Variants in TIMM9 observed in about 807,000 individuals in gnomAD.
The protein encoded by TIMM9 is translocase of inner mitochondrial membrane 9.
Under a neutral mutation model 13.4 loss-of-function variants are expected in TIMM9, and 10 were observed. The observed-to-expected ratio is 0.75, with a 90% CI of 0.46 to 1.26. The LOEUF (loss-of-function observed/expected upper bound fraction) is 1.26. Among genes scored for constraint, TIMM9 ranks in the 50% most tolerant of loss-of-function variants. The pLI is 0.00. For missense variants in TIMM9, 87 were observed against 100.8 expected, an observed-to-expected ratio of 0.86 and a Z score of 0.58; for synonymous variants, 32 against 32.1, an observed-to-expected ratio of 1.00 and a Z score of 0.01.
chr14:58,418,954 GAAATTTATATA>G (rs1223597140), intron 3 of TIMM9, among the ~76,000 whole-genome samples: 1 of 151,944 alleles, frequency 6.6e-6, no homozygotes, highest in Non-Finnish European at 1.5e-5. Context: ...AATTTATATG[GAAATTTATATA>G]AAATTTATAT....
rs748474466 is a variant in TIMM9, at chr14:58,408,988, C to T, written c.*46G>A. The T allele has an allele frequency of 7.6e-6, 12 of 1,587,576 alleles. No individual in the cohort carries two copies. The East Asian group carries it at 2.7e-4, about 36-fold the overall frequency. ...AGATGAGTCCTCATTTCCAATAAAG[C>T]AGCTGTTGGCAATCTTTCATCAAAA... On this transcript the variant is annotated 3_prime_UTR_variant, in exon 6 of 6. Coordinates refer to ENST00000395159, the MANE Select transcript of TIMM9 (RefSeq NM_012460.4).
intron 3 of TIMM9, among the ~76,000 whole-genome samples, chr14:58,416,994 G>A (rs2036430669): frequency 6.6e-6 from 1 of 152,058 alleles, no homozygotes; most frequent in Admixed American, 6.6e-5. Context: ...CCTGGTGGGA[G>A]GTAATTGAAT....
At chr14:58,410,379 T>C (rs778446317) in intron 5 of TIMM9, among the ~76,000 whole-genome samples, 2 of 151,512 alleles carry the variant, frequency 1.3e-5, no homozygotes, top group South Asian at 2.1e-4. Flanking sequence ...GATTATGCCA[T>C]TGCACTCCAG....
At chr14:58,421,059 T>C (rs756182462) in intron 3 of TIMM9, among the ~76,000 whole-genome samples, 4 of 152,136 alleles carry the variant, frequency 2.6e-5, no homozygotes, top group Non-Finnish European at 2.9e-5. Context: ...GGAAATCCTA[T>C]ATGTGAATGT....
rs979035102 is a variant in TIMM9, at chr14:58,408,981, A to C, written c.*53T>G. ...TTCTATCAGATGAGTCCTCATTTCCAATAAAGCAGCTGTTGGCAATCTTTC... is the reference window on the plus strand; with the variant it reads ...TTCTATCAGATGAGTCCTCATTTCCCATAAAGCAGCTGTTGGCAATCTTTC... On this transcript the variant is annotated 3_prime_UTR_variant, in exon 6 of 6. Coordinates refer to ENST00000395159, the MANE Select transcript of TIMM9 (RefSeq NM_012460.4). The C allele has an allele frequency of 1.5e-5, 23 of 1,586,198 alleles. No homozygotes were observed. Among genetic ancestry groups the C allele is most frequent in the Non-Finnish European group, 1.7e-5 (20 of 1,171,314 alleles).
intron 3 of TIMM9, among the ~76,000 whole-genome samples, chr14:58,418,332 C>T (rs899636465): frequency 1.5e-4 from 23 of 151,944 alleles, no homozygotes; most frequent in Non-Finnish European, 4.4e-5. Context: ...ACAGCATGTA[C>T]AAAAAAACCT....
chr14:58,416,054 GAA>G (rs796795388), intron 3 of TIMM9, among the ~76,000 whole-genome samples: 6 of 122,086 alleles, frequency 4.9e-5, no homozygotes, highest in Admixed American at 8.4e-5. Flanking sequence ...CGTCCCTACT[GAA>G]AAAAAAAAAA....
chr14:58,411,025 A>T, intron 4 of TIMM9, 87 bp from the exon 5 acceptor site: 3 of 848,024 alleles, frequency 3.5e-6, no homozygotes, highest in Non-Finnish European at 5.8e-6. Context: ...TTATATTTAG[A>T]CAAAATATAC....
rs1162813143 is a variant in TIMM9, at chr14:58,427,167, G to C, written c.-228C>G. 1 of 174,308 alleles carries C rather than the reference G, an allele frequency of 5.7e-6. No homozygotes were observed. Among genetic ancestry groups the C allele is most frequent in the African/African-American group, 2.4e-5 (1 of 41,734 alleles). The allele number at this position is 174,308 out of a possible 1,614,324, so 10.8% of individuals were successfully genotyped here. On this transcript the variant is annotated 5_prime_UTR_variant, in exon 2 of 6. Transcript: ENST00000395159. ...GACAGGAGCCGCGGCCGCCAGATGG[G>C]AAAGAACACGTGGGAGCAGTAATGT... is the stretch of plus-strand genomic sequence containing the variant.
Position 58,409,151 on chromosome 14 carries a change from A to G in TIMM9, c.153T>C (p.His51=), listed in dbSNP as rs2036126263. The G allele has an allele frequency of 6.2e-7, 1 of 1,613,916 alleles. No homozygotes were observed. The change falls in exon 6 of 6, where the codon CAT becomes CAC. Residue 51 remains histidine (H), a synonymous_variant. Transcript: ENST00000395159. The part of the protein sequence containing the change: ...VKPEETTCSE[H]CLQKYLKMTQ... ...TCATTTTTAAATATTTCTGTAAGCA[A>G]TGTTCTGAACAGGTGGTCTAGGAAT...
At chr14:58,421,488 C>A (rs2036586865) in intron 3 of TIMM9, among the ~76,000 whole-genome samples, 1 of 151,998 alleles carries the variant, frequency 6.6e-6, no homozygotes, top group Non-Finnish European at 1.5e-5. Flanking sequence ...TAAGATGTTA[C>A]CATTGTGGAA....
chr14:58,423,411 G>C (rs891526076), intron 3 of TIMM9, among the ~76,000 whole-genome samples: 2 of 150,916 alleles, frequency 1.3e-5, no homozygotes, highest in African/African-American at 4.9e-5. Context: ...GCAGCTACTC[G>C]GGAGGCTGAG....
intron 5 of TIMM9, among the ~76,000 whole-genome samples, chr14:58,409,836 C>A (rs2036155194): frequency 6.6e-6 from 1 of 152,054 alleles, no homozygotes; most frequent in Non-Finnish European, 1.5e-5. Flanking sequence ...CCTCAGCCTC[C>A]CAATGTGCTG....
rs1345528644 is a variant in TIMM9 at position 58,415,656 on chromosome 14, G to C, written c.-26-3685C>G. Among the ~76,000 whole-genome samples, 5 of 152,076 alleles carry C rather than the reference G, an allele frequency of 3.3e-5. No individual in the cohort carries two copies. The East Asian group carries it at 9.6e-4, about 29-fold the overall frequency. ...GCCAGAAAATAGAATTCTTCAACCTGAATTACAGAGAAAAACAGAATGAAA... is the reference window on the plus strand; with the variant it reads ...GCCAGAAAATAGAATTCTTCAACCTCAATTACAGAGAAAAACAGAATGAAA... On this transcript the variant is annotated intron_variant, in intron 3 of 5. Coordinates refer to ENST00000395159, the MANE Select transcript of TIMM9 (RefSeq NM_012460.4).
At chr14:58,411,757 GA>G (rs1379761418) in intron 4 of TIMM9, 149 bp downstream of exon 4, 149 of 663,192 alleles carry the variant, frequency 2.2e-4, no homozygotes, top group Non-Finnish European at 2.7e-5. Flanking sequence ...GGCTGGTCTT[GA>G]ACTCCTGACT....
intron 3 of TIMM9, chr14:58,423,758 T>C (rs2036659063): frequency 6.6e-6 from 1 of 152,180 alleles, no homozygotes; most frequent in Admixed American, 6.5e-5. Flanking sequence ...GGTTGTTCTT[T>C]TATTTGATCC....
chr14:58,422,571 G>A (rs1475719735), intron 3 of TIMM9, among the ~76,000 whole-genome samples: 1 of 152,104 alleles, frequency 6.6e-6, no homozygotes, highest in Non-Finnish European at 1.5e-5. Flanking sequence ...CCCAAGTGCT[G>A]TTGGTATGAA....
rs561676260 is a variant in TIMM9 at position 58,416,593 on chromosome 14, G to A, written c.-26-4622C>T. On this transcript the variant is annotated intron_variant, in intron 3 of 5. Transcript: ENST00000395159. Reference sequence around the variant, plus strand: ...AGTAGTAGTCCTGGAACATCAAGGAGGAAAACACAGTAATAGGTACAATAC... The same window carrying A: ...AGTAGTAGTCCTGGAACATCAAGGAAGAAAACACAGTAATAGGTACAATAC... Among the ~76,000 whole-genome samples, 7 of 152,266 alleles carry A rather than the reference G, an allele frequency of 4.6e-5. No individual in the cohort carries two copies. The South Asian group carries it at 1.4e-3, about 32-fold the overall frequency.
Position 58,408,703 on chromosome 14 carries a change from C to T in TIMM9, c.*331G>A, listed in dbSNP as rs2036111453. The stretch of plus-strand genomic sequence containing the variant: ...GTAATAAAAATTTTTCTATCTCATA[C>T]ATGATCGAACACATAAGTTGCTTTA... On this transcript the variant is annotated 3_prime_UTR_variant, in exon 6 of 6. Coordinates refer to ENST00000395159, the MANE Select transcript of TIMM9 (RefSeq NM_012460.4). 2 of 905,522 alleles carry T rather than the reference C, an allele frequency of 2.2e-6. No homozygotes were observed. Among genetic ancestry groups the T allele is most frequent in the Non-Finnish European group, 1.6e-6 (1 of 607,468 alleles). 56.1% of individuals were successfully genotyped at this position (905,522 alleles called of 1,614,324 possible).
Sources: gnomAD v4.1 joint callset for allele counts (sites outside exome capture counted in the v4.1 genomes callset) on GRCh38, gnomAD v4.1.1 for gene constraint, MANE v1.5 for transcripts, NCBI Gene and HGNC (gene_info 2026-07-23, HGNC 2026-07-21) for gene names.